SPART: variants seen among roughly 807,000 people sequenced by gnomAD.
SPART encodes spartin, also known as spastic paraplegia 20 (Troyer syndrome).
In SPART, 35 loss-of-function variants were observed where a neutral mutation model predicts 58.7. The ratio of observed to expected loss-of-function variants is 0.60; its 90% confidence interval spans 0.46 to 0.79. The LOEUF (loss-of-function observed/expected upper bound fraction) is 0.79, where lower values mean the gene tolerates loss of function less well. SPART is among the 30% of genes least tolerant of loss of function. The pLI is 0.00. For missense variants in SPART, 730 were observed against 786.1 expected, an observed-to-expected ratio of 0.93 and a Z score of 0.85; for synonymous variants, 284 against 280.7, an observed-to-expected ratio of 1.01 and a Z score of -0.12.
At chr13:36,318,542 A>G (rs2137381799) in intron 5 of SPART, among the ~76,000 whole-genome samples, 1 of 152,272 alleles carries the variant, frequency 6.6e-6, no homozygotes, top group South Asian at 2.1e-4. Context: ...AAACCCCACA[A>G]CAGGATTTAA....
intron 1 of SPART, among the ~76,000 whole-genome samples, chr13:36,367,351 G>C (rs2137737649): frequency 6.6e-6 from 1 of 152,226 alleles, no homozygotes; most frequent in South Asian, 2.1e-4. Flanking sequence ...CATATTAAAA[G>C]GGTAGGGTGG....
intron 1 of SPART, among the ~76,000 whole-genome samples, chr13:36,368,561 A>G (rs1886156190): frequency 6.6e-6 from 1 of 152,218 alleles, no homozygotes; most frequent in South Asian, 2.1e-4. Flanking sequence ...TCAGTAGGTT[A>G]CTATATGTAA....
At chr13:36,366,523 A>G (rs1259207775) in intron 1 of SPART, among the ~76,000 whole-genome samples, 1 of 152,122 alleles carries the variant, frequency 6.6e-6, no homozygotes, top group African/African-American at 2.4e-5. Context: ...ATATTTGCAC[A>G]TCTGTTATGT....
At chr13:36,319,292 A>C in intron 5 of SPART, among the ~76,000 whole-genome samples, 1 of 150,800 alleles carries the variant, frequency 6.6e-6, no homozygotes, top group Non-Finnish European at 1.5e-5. Flanking sequence ...CCCAATCCAA[A>C]GCCTCCTTTG....
chr13:36,346,986 G>T (rs1885189827), upstream of SPART, among the ~76,000 whole-genome samples: 1 of 152,154 alleles, frequency 6.6e-6, no homozygotes, highest in Admixed American at 6.5e-5. Flanking sequence ...TTAAGTCTTG[G>T]TGTGTGTGTA....
intron 5 of SPART, among the ~76,000 whole-genome samples, chr13:36,317,374 C>T (rs1308267015): frequency 1.3e-5 from 2 of 152,018 alleles, no homozygotes; most frequent in Admixed American, 1.3e-4. Flanking sequence ...AGAGGAGGGG[C>T]AAGTACCCCA....
rs150058229 is a variant in SPART at position 36,314,152 on chromosome 13, A to G, written c.1483+75T>C. On this transcript the variant is annotated intron_variant, in intron 6 of 8. Coordinates refer to ENST00000438666, the MANE Select transcript of SPART (RefSeq NM_015087.5). ...TTGAGATTAAACCATCTAAATGAAC[A>G]TGCAGATTAACCCTGGATTAAGACA... 6,176 of 1,383,130 alleles carry G rather than the reference A, an allele frequency of 4.5e-3. 18 individuals carry two copies. Among genetic ancestry groups the G allele is most frequent in the Non-Finnish European group, 4.8e-3 (4,730 of 987,256 alleles). The allele number at this position is 1,383,130 out of a possible 1,614,324, so 85.7% of individuals were successfully genotyped here. A position where few individuals can be genotyped will look rare whatever the true frequency, so the allele number is the denominator to read the frequency against.
chr13:36,312,090 AAAC>A lies in SPART; in HGVS notation c.1733+52_1733+54del, dbSNP rs1020908333. On this transcript the variant is annotated intron_variant, in intron 8 of 8. Coordinates refer to ENST00000438666, the MANE Select transcript of SPART (RefSeq NM_015087.5). ...CAACAAGAGAAACTCCCTCTCAGAA[AAAC>A]AACAACAACAACAAAACAGAGATTT... is the stretch of plus-strand genomic sequence containing the variant. 182 of 1,545,638 alleles carry A rather than the reference AAAC, an allele frequency of 1.2e-4. 1 individual carries two copies. The highest frequency in any genetic ancestry group is 2.8e-4 in the South Asian group (25 of 89,198).
chr13:36,304,552 T>C lies in SPART; in HGVS notation c.1814A>G (p.Asn605Ser), dbSNP rs750683124. Residue 605 changes from asparagine (N) to serine (S), a missense_variant, in exon 9 of 9, where the codon AAC becomes AGC. Physicochemically the swap from Asn to Ser is conservative, Grantham distance 46 (BLOSUM62 1). Transcript: ENST00000438666. ...VNVGVTAYNI[N>S]NIGIKAMVKK... is the part of the protein sequence containing the mutation. Reference sequence around the variant, plus strand: ...CACCATTGCTTTGATACCAATGTTGTTAATATTGTAGGCAGTTACGCCAAC... The same window carrying C: ...CACCATTGCTTTGATACCAATGTTGCTAATATTGTAGGCAGTTACGCCAAC... The C allele has an allele frequency of 1.9e-6, 3 of 1,614,154 alleles. No individual in the cohort carries two copies. The highest frequency in any genetic ancestry group is 2.5e-6 in the Non-Finnish European group (3 of 1,180,012).
chr13:36,367,657 G>A (rs1886116625), intron 1 of SPART, among the ~76,000 whole-genome samples: 1 of 152,070 alleles, frequency 6.6e-6, no homozygotes, highest in Non-Finnish European at 1.5e-5. Context: ...AGCCTTGTAA[G>A]CTTCTCTTGG....
rs570159571 is a variant in SPART at position 36,339,269 on chromosome 13, A to T, written c.-2-3437T>A. 2.6e-5 allele frequency among the ~76,000 whole-genome samples: 4 copies of T among 152,276 alleles called. No individual in the cohort carries two copies. The South Asian group carries it at 8.3e-4, about 32-fold the overall frequency. ...AACTCAAGAAGGATGAGGTCATACA[A>T]TTATAGAAAATGCCCAGAAAGCAGA... On this transcript the variant is annotated intron_variant, in intron 1 of 8. Transcript: ENST00000438666.
At chr13:36,320,684 T>C (rs941942707) in intron 5 of SPART, among the ~76,000 whole-genome samples, 1 of 152,212 alleles carries the variant, frequency 6.6e-6, no homozygotes, top group Non-Finnish European at 1.5e-5. Context: ...TTACTCAACA[T>C]GCCCCGAGTC....
At chr13:36,332,053 C>T (rs1031103323) in intron 2 of SPART, among the ~76,000 whole-genome samples, 1 of 151,874 alleles carries the variant, frequency 6.6e-6, no homozygotes, top group Non-Finnish European at 1.5e-5. Flanking sequence ...AAATCAGTTA[C>T]TATTATTGTC....
intron 1 of SPART, among the ~76,000 whole-genome samples, chr13:36,368,596 G>C (rs1322401965): frequency 6.6e-6 from 1 of 152,044 alleles, no homozygotes; most frequent in African/African-American, 2.4e-5. Context: ...GAGAAGTGAG[G>C]CTATCAATAT....
At position 36,304,336 on chromosome 13, in the gene SPART, C is replaced by T. The variant is rs1880263825; in HGVS notation, c.*29G>A. The T allele has an allele frequency of 1.2e-6, 2 of 1,613,838 alleles. No homozygotes were observed. Among genetic ancestry groups the T allele is most frequent in the African/African-American group, 2.7e-5 (2 of 75,038 alleles). ...ACAAAATTTCATCCATTTCATAAGG[C>T]TTTGGTATAAGTGATTCCCAGCACT... On this transcript the variant is annotated 3_prime_UTR_variant, in exon 9 of 9. Transcript: ENST00000438666.
chr13:36,362,342 A>G (rs1885893560), intron 1 of SPART, among the ~76,000 whole-genome samples: 1 of 114,686 alleles, frequency 8.7e-6, no homozygotes, highest in South Asian at 3.2e-4. Context: ...ACAGAGCAAG[A>G]CTTCCATCTC....
chr13:36,330,085 G>C (rs955783245), intron 3 of SPART, among the ~76,000 whole-genome samples: 13 of 152,080 alleles, frequency 8.5e-5, no homozygotes, highest in African/African-American at 3.1e-4. Flanking sequence ...TTAAATTGAA[G>C]ACAGAAAATA....
At chr13:36,330,357 T>C (rs931114139) in intron 3 of SPART, among the ~76,000 whole-genome samples, 1 of 152,176 alleles carries the variant, frequency 6.6e-6, no homozygotes, top group Non-Finnish European at 1.5e-5. Flanking sequence ...ATTGCTGCTA[T>C]GCTAAAGTAT....
upstream of SPART, among the ~76,000 whole-genome samples, chr13:36,350,198 T>C (rs1413131815): frequency 1.3e-5 from 2 of 152,216 alleles, no homozygotes; most frequent in South Asian, 4.1e-4. Flanking sequence ...CCAAAACCAC[T>C]AACCCAGGTC....
Sources: allele counts gnomAD v4.1 joint callset (sites outside exome capture counted in the v4.1 genomes callset), GRCh38; gene constraint gnomAD v4.1.1; transcripts MANE v1.5; gene names NCBI Gene and HGNC (gene_info 2026-07-23, HGNC 2026-07-21).